Variants in RBFOX1 observed in about 807,000 individuals in gnomAD.
RBFOX1 encodes RNA binding protein fox-1 homolog 1.
A neutral mutation model predicts 57.7 loss-of-function variants in RBFOX1; 8 were observed. The ratio of observed to expected loss-of-function variants is 0.14; its 90% CI spans 0.08 to 0.25. RBFOX1 has a LOEUF of 0.25. RBFOX1 is among the 10% of genes least tolerant of loss of function. The pLI, the probability that RBFOX1 is intolerant of heterozygous loss-of-function variation, is 1.00. For synonymous variants in RBFOX1, 326 were observed against 222.4 expected, an observed-to-expected ratio of 1.47 and a Z score of -4.15; for missense variants, 611 against 548.5, an observed-to-expected ratio of 1.11 and a Z score of -1.14.
At chr16:7,263,289 TG>T (rs1304935178) in intron 4 of RBFOX1, among the ~76,000 whole-genome samples, 3 of 152,144 alleles carry the variant, frequency 2.0e-5, no homozygotes, top group African/African-American at 7.2e-5. Context: ...GAGTTGAAGA[TG>T]CTTTGAAAGA....
At chr16:7,040,113 C>G (rs368090549) in intron 3 of RBFOX1, among the ~76,000 whole-genome samples, 1 of 151,872 alleles carries the variant, frequency 6.6e-6, no homozygotes, top group Non-Finnish European at 1.5e-5. Flanking sequence ...CTCTGCCTCC[C>G]AGGTTCAAGC....
intron 1 of RBFOX1, among the ~76,000 whole-genome samples, chr16:6,146,954 A>G (rs2096763039): frequency 6.6e-6 from 1 of 152,090 alleles, no homozygotes; most frequent in Non-Finnish European, 1.5e-5. Context: ...TCGCCACAAC[A>G]TCCTTAGCTC....
At chr16:6,882,849 C>T (rs1481356499) in intron 3 of RBFOX1, among the ~76,000 whole-genome samples, 2 of 152,048 alleles carry the variant, frequency 1.3e-5, no homozygotes, top group Non-Finnish European at 2.9e-5. Flanking sequence ...TTTATGTTCA[C>T]CCCCAGGAGT....
intron 3 of RBFOX1, among the ~76,000 whole-genome samples, chr16:6,757,587 G>A (rs941856789): frequency 6.6e-6 from 1 of 152,038 alleles, no homozygotes; most frequent in African/African-American, 2.4e-5. Context: ...ATATGTGGGA[G>A]CTAAAAAAGT....
intron 2 of RBFOX1, among the ~76,000 whole-genome samples, chr16:6,644,975 C>G (rs566209835): frequency 3.3e-5 from 5 of 152,292 alleles, no homozygotes; most frequent in East Asian, 1.9e-4. Flanking sequence ...CTTAAAACAA[C>G]TGAAATATAT....
chr16:6,858,557 C>G (rs1033256423), intron 3 of RBFOX1, among the ~76,000 whole-genome samples: 1 of 152,154 alleles, frequency 6.6e-6, no homozygotes, highest in Non-Finnish European at 1.5e-5. Flanking sequence ...CGTACGGTTA[C>G]AGCTCAATTA....
intron 3 of RBFOX1, among the ~76,000 whole-genome samples, chr16:6,702,051 A>G (rs1232764690): frequency 2.6e-5 from 4 of 152,074 alleles, no homozygotes; most frequent in African/African-American, 9.7e-5. Context: ...GCAACATACA[A>G]TTTACCTGTA....
chr16:5,690,350 G>T (rs952038873), intron 3 of RBFOX1, among the ~76,000 whole-genome samples: 4 of 152,314 alleles, frequency 2.6e-5, no homozygotes, highest in Middle Eastern at 3.4e-3. Context: ...CCAAAAGCCA[G>T]TGATGACCTT....
chr16:7,272,477 C>T (rs1350592325), intron 4 of RBFOX1, among the ~76,000 whole-genome samples: 2 of 152,224 alleles, frequency 1.3e-5, no homozygotes, highest in African/African-American at 4.8e-5. Flanking sequence ...AGCCACCATG[C>T]CTGGCACCCG....
intron 3 of RBFOX1, among the ~76,000 whole-genome samples, chr16:5,674,442 G>A (rs2050107323): frequency 6.6e-6 from 1 of 152,186 alleles, no homozygotes; most frequent in Admixed American, 6.5e-5. Context: ...GGTTGATAGT[G>A]ACAGGGCCAG....
chr16:7,209,740 G>A (rs991073989), intron 4 of RBFOX1, among the ~76,000 whole-genome samples: 1 of 152,196 alleles, frequency 6.6e-6, no homozygotes, highest in Non-Finnish European at 1.5e-5. Flanking sequence ...TGTGGGGGCA[G>A]GAGTCTTGTC....
chr16:7,368,984 G>T (rs1489930078), intron 4 of RBFOX1, among the ~76,000 whole-genome samples: 1 of 152,046 alleles, frequency 6.6e-6, no homozygotes, highest in African/African-American at 2.4e-5. Flanking sequence ...TGATCCTGCA[G>T]CTGAGCAAGA....
intron 2 of RBFOX1, among the ~76,000 whole-genome samples, chr16:6,616,750 T>C (rs969553692): frequency 3.9e-5 from 6 of 152,184 alleles, no homozygotes; most frequent in Non-Finnish European, 5.9e-5. Context: ...TTTTCTTAAT[T>C]CATTGCAAAA....
chr16:6,249,844 A>G (rs1171710121), intron 1 of RBFOX1, among the ~76,000 whole-genome samples: 5 of 147,988 alleles, frequency 3.4e-5, no homozygotes, highest in Non-Finnish European at 7.4e-5. Flanking sequence ...TTACATATGT[A>G]TACATGTGCC....
chr16:5,522,307 C>T (rs1423211358), intron 2 of RBFOX1, among the ~76,000 whole-genome samples: 1 of 152,192 alleles, frequency 6.6e-6, no homozygotes, highest in Admixed American at 6.5e-5. Context: ...TAATAGAGCT[C>T]ATCTTGGTGT....
intron 2 of RBFOX1, among the ~76,000 whole-genome samples, chr16:5,491,396 T>G (rs921752415): frequency 2.6e-5 from 4 of 152,214 alleles, no homozygotes; most frequent in African/African-American, 9.6e-5. Flanking sequence ...CACAGTAGTG[T>G]GTATTCTTTT....
At chr16:5,785,642 C>A (rs1397707278) in intron 3 of RBFOX1, among the ~76,000 whole-genome samples, 3 of 152,052 alleles carry the variant, frequency 2.0e-5, no homozygotes, top group Non-Finnish European at 4.4e-5. Context: ...ATTCTCCTGC[C>A]TCAGCCTCCT....
At chr16:6,857,492 G>C (rs1161140706) in intron 3 of RBFOX1, among the ~76,000 whole-genome samples, 17 of 152,272 alleles carry the variant, frequency 1.1e-4, no homozygotes. Flanking sequence ...GACTCATTGG[G>C]CATAACCAGC....
intron 1 of RBFOX1, among the ~76,000 whole-genome samples, chr16:6,301,393 T>G (rs1446391907): frequency 2.0e-5 from 3 of 152,214 alleles, no homozygotes; most frequent in Non-Finnish European, 4.4e-5. Flanking sequence ...AAAGACTGCT[T>G]TCTTATTAAG....
Sources: gnomAD v4.1 joint callset for allele counts (sites outside exome capture counted in the v4.1 genomes callset) on GRCh38, gnomAD v4.1.1 for gene constraint, MANE v1.5 for transcripts, NCBI Gene and HGNC (gene_info 2026-07-23, HGNC 2026-07-21) for gene names.